The following FAF1 variants were observed in gnomAD, a reference collection of about 807,000 sequenced individuals.
FAF1 encodes Fas associated factor 1.
FAF1 carries 25 observed loss-of-function variants against 92.5 expected under a neutral mutation model. The observed-to-expected ratio is 0.27, with a 90% confidence interval of 0.20 to 0.38. The LOEUF is 0.38. Among genes scored for constraint, FAF1 ranks in the 10% least tolerant of loss-of-function variants. The pLI is 1.00. For synonymous variants in FAF1, 234 were observed against 273.2 expected (o/e 0.86, Z 1.42); for missense variants, 636 against 793.3 (o/e 0.80, Z 2.38).
chr1:50,932,594 A>G (rs1469593230), intron 1 of FAF1, among the ~76,000 whole-genome samples: 2 of 152,176 alleles, frequency 1.3e-5, no homozygotes, highest in African/African-American at 4.8e-5. Flanking sequence ...GTGCTTTCAC[A>G]GGCTGGCACT....
At chr1:50,952,255 G>T (rs546009125) in intron 1 of FAF1, among the ~76,000 whole-genome samples, 2 of 152,306 alleles carry the variant, frequency 1.3e-5, no homozygotes, top group South Asian at 4.1e-4. Flanking sequence ...TTGCAGGCGC[G>T]CGCCGCCACG....
chr1:50,793,794 C>T (rs541583451), intron 3 of FAF1, among the ~76,000 whole-genome samples: 1 of 152,112 alleles, frequency 6.6e-6, no homozygotes, highest in Non-Finnish European at 1.5e-5. Context: ...TTCCAAAGAA[C>T]GATACTACAC....
intron 6 of FAF1, among the ~76,000 whole-genome samples, chr1:50,737,986 T>C (rs1659210217): frequency 6.6e-6 from 1 of 152,196 alleles, no homozygotes; most frequent in African/African-American, 2.4e-5. Flanking sequence ...TTATTATCAC[T>C]AGCATAATCA....
At chr1:50,558,302 AT>A (rs1328002631) in intron 13 of FAF1, among the ~76,000 whole-genome samples, 2 of 152,184 alleles carry the variant, frequency 1.3e-5, no homozygotes, top group Admixed American at 1.3e-4. Flanking sequence ...TTATATCAAT[AT>A]AAAAACTGTA....
intron 6 of FAF1, among the ~76,000 whole-genome samples, chr1:50,720,132 G>A (rs1658348012): frequency 6.6e-6 from 1 of 151,956 alleles, no homozygotes; most frequent in African/African-American, 2.4e-5. Context: ...CTCCCAAGTA[G>A]TTGGGATTAC....
chr1:50,568,976 T>G (rs1450771825), intron 12 of FAF1, among the ~76,000 whole-genome samples: 1 of 152,168 alleles, frequency 6.6e-6, no homozygotes. Context: ...AACAAGCATT[T>G]GTTGAAATGC....
intron 8 of FAF1, among the ~76,000 whole-genome samples, chr1:50,612,029 G>T (rs181540618): frequency 3.3e-4 from 50 of 152,314 alleles, no homozygotes; most frequent in African/African-American, 1.2e-3. Context: ...AACGAAAACA[G>T]TTCGATGGTA....
chr1:50,687,464 A>T (rs1656717907), intron 7 of FAF1, among the ~76,000 whole-genome samples: 1 of 152,150 alleles, frequency 6.6e-6, no homozygotes, highest in African/African-American at 2.4e-5. Context: ...TGATGCTCAA[A>T]ACTGGCCGGG....
At chr1:50,957,898 A>C (rs952282460) in intron 1 of FAF1, among the ~76,000 whole-genome samples, 2 of 152,252 alleles carry the variant, frequency 1.3e-5, no homozygotes, top group Admixed American at 1.3e-4. Flanking sequence ...GTAACACGGT[A>C]AAACTACACC....
intron 2 of FAF1, among the ~76,000 whole-genome samples, chr1:50,857,545 T>C (rs1363580510): frequency 2.0e-5 from 3 of 151,762 alleles, no homozygotes; most frequent in Admixed American, 6.6e-5. Flanking sequence ...GCAACTACTT[T>C]AACAGCTTTA....
At chr1:50,773,326 C>G (rs1660836898) in intron 4 of FAF1, among the ~76,000 whole-genome samples, 1 of 152,184 alleles carries the variant, frequency 6.6e-6, no homozygotes, top group Non-Finnish European at 1.5e-5. Context: ...CATCCCACTT[C>G]TGAGTCTGCA....
intron 10 of FAF1, among the ~76,000 whole-genome samples, chr1:50,584,034 A>G (rs1166322894): frequency 6.6e-6 from 1 of 152,148 alleles, no homozygotes; most frequent in Non-Finnish European, 1.5e-5. Context: ...TTCTTGAAAT[A>G]GACATCTTGT....
chr1:50,895,405 G>A (rs776272786), intron 1 of FAF1, among the ~76,000 whole-genome samples: 32 of 152,202 alleles, frequency 2.1e-4, no homozygotes, highest in South Asian at 6.2e-4. Flanking sequence ...CCTGGGACCC[G>A]ACGGCTTTAC....
chr1:50,561,641 T>G (rs1291248924), intron 13 of FAF1, among the ~76,000 whole-genome samples: 1 of 151,964 alleles, frequency 6.6e-6, no homozygotes, highest in Non-Finnish European at 1.5e-5. Context: ...GCCTGGCCAA[T>G]ATGGTGAAAC....
rs1646599800 is a variant in FAF1, at chr1:50,473,331, TAA to T, written c.1869+2131_1869+2132del. On this transcript the variant is annotated intron_variant, in intron 18 of 18. Coordinates refer to ENST00000396153, the MANE Select transcript of FAF1 (RefSeq NM_007051.3). ...CTTTAAAAATTAATTTGAAAGAAAA[TAA>T]AGTTTAATTTTAAAATGCAAAGTCC... 3.9e-5 allele frequency among the ~76,000 whole-genome samples: 6 copies of T among 152,246 alleles called. No individual in the cohort carries two copies. The South Asian group carries it at 1.0e-3, about 26-fold the overall frequency.
chr1:50,814,333 AT>A (rs1265408139), intron 2 of FAF1, among the ~76,000 whole-genome samples: 4 of 152,200 alleles, frequency 2.6e-5, no homozygotes, highest in Non-Finnish European at 5.9e-5. Flanking sequence ...GCAAAATAAC[AT>A]TAGGCATCAT....
intron 2 of FAF1, among the ~76,000 whole-genome samples, chr1:50,823,454 G>A (rs1644064612): frequency 6.6e-6 from 1 of 152,142 alleles, no homozygotes; most frequent in Admixed American, 6.5e-5. Flanking sequence ...AATACAGCAA[G>A]TGTCTATACC....
chr1:50,599,032 G>T (rs1651968714), intron 8 of FAF1, among the ~76,000 whole-genome samples: 1 of 152,074 alleles, frequency 6.6e-6, no homozygotes, highest in Non-Finnish European at 1.5e-5. Flanking sequence ...GGGTTCTTGA[G>T]ATTCTTTCAG....
chr1:50,592,647 C>T (rs1378590734), intron 9 of FAF1, among the ~76,000 whole-genome samples: 1 of 152,150 alleles, frequency 6.6e-6, no homozygotes, highest in African/African-American at 2.4e-5. Context: ...AGAAAGTCAA[C>T]AGCAAAATGA....
Sources: gnomAD v4.1 joint callset for allele counts (sites outside exome capture counted in the v4.1 genomes callset) on GRCh38, gnomAD v4.1.1 for gene constraint, MANE v1.5 for transcripts, NCBI Gene and HGNC (gene_info 2026-07-23, HGNC 2026-07-21) for gene names.